Variants in HIVEP1 observed in about 807,000 individuals in gnomAD.
HIVEP1 encodes zinc finger protein 40.
Under a neutral mutation model 180.0 loss-of-function variants are expected in HIVEP1, and 36 were observed. The ratio of observed to expected loss-of-function variants is 0.20; its 90% confidence interval spans 0.15 to 0.26. HIVEP1 has a LOEUF of 0.26. Among genes scored for constraint, HIVEP1 ranks in the 10% least tolerant of loss-of-function variants. HIVEP1 has a pLI of 1.00. For synonymous variants in HIVEP1, 1,239 were observed against 1,239.0 expected (o/e 1.00, Z 0.00); for missense variants, 3,143 against 3,268.7 (o/e 0.96, Z 0.94).
Position 12,120,966 on chromosome 6 carries a change from T to G in HIVEP1, c.1171T>G (p.Cys391Gly). Residue 391 changes from cysteine to glycine, a missense_variant, in exon 4 of 9, where the codon TGC (cysteine) becomes GGC (glycine). Cys to Gly is a radical substitution (Grantham distance 159). Coordinates refer to ENST00000379388, the MANE Select transcript of HIVEP1 (RefSeq NM_002114.4). ...SVVNQSVEQM[C>G]NLLLKDQKPK... ...TGTTAATCAAAGCGTAGAGCAAATG[T>G]GCAATCTTCTTCTGAAAGATCAGAA... 6.2e-7 allele frequency: 1 copy of G among 1,614,196 alleles called. No individual in the cohort carries two copies. Among genetic ancestry groups the G allele is most frequent in the Non-Finnish European group, 8.5e-7 (1 of 1,180,018 alleles).
chr6:12,020,665 GTTAC>G (rs1043868878), intron 2 of HIVEP1, among the ~76,000 whole-genome samples: 1 of 152,110 alleles, frequency 6.6e-6, no homozygotes, highest in African/African-American at 2.4e-5. Flanking sequence ...GAAAAGAGGT[GTTAC>G]TTACTTTAGT....
chr6:12,033,648 T>C (rs1025249306), intron 2 of HIVEP1, among the ~76,000 whole-genome samples: 1 of 152,210 alleles, frequency 6.6e-6, no homozygotes, highest in African/African-American at 2.4e-5. Context: ...CAAACCCTCT[T>C]AATAATACTA....
At chr6:12,018,088 C>G (rs1179320262) in intron 2 of HIVEP1, among the ~76,000 whole-genome samples, 1 of 152,324 alleles carries the variant, frequency 6.6e-6, no homozygotes. Flanking sequence ...TAAAGCCCGG[C>G]GAGAAATCGA....
intron 2 of HIVEP1, among the ~76,000 whole-genome samples, chr6:12,044,093 T>A (rs1362629937): frequency 6.6e-6 from 1 of 152,206 alleles, no homozygotes; most frequent in Non-Finnish European, 1.5e-5. Context: ...TGATGCTTTC[T>A]ATGGGGTGAG....
chr6:12,157,675 GA>G (rs1369769527), intron 7 of HIVEP1, among the ~76,000 whole-genome samples: 2 of 151,676 alleles, frequency 1.3e-5, no homozygotes, highest in African/African-American at 2.4e-5. Flanking sequence ...TAAAAAATAA[GA>G]AAAAAAATTG....
intron 2 of HIVEP1, among the ~76,000 whole-genome samples, chr6:12,023,783 C>G (rs913349226): frequency 6.6e-6 from 1 of 151,956 alleles, no homozygotes; most frequent in Non-Finnish European, 1.5e-5. Context: ...TATGATTAAC[C>G]AGAGTAATGA....
At chr6:12,111,292 A>G (rs534522003) in intron 3 of HIVEP1, among the ~76,000 whole-genome samples, 2 of 152,238 alleles carry the variant, frequency 1.3e-5, no homozygotes, top group Non-Finnish European at 2.9e-5. Flanking sequence ...CAAACCCTTA[A>G]TGCAAAAAGC....
chr6:12,115,350 C>CTTTTTTTTTTTTTT (rs34074662), intron 3 of HIVEP1, among the ~76,000 whole-genome samples: 7 of 75,296 alleles, frequency 9.3e-5, no homozygotes, highest in African/African-American at 2.7e-4. Flanking sequence ...CCCAACTATT[C>CTTTTTTTTTTTTTT]TTTTTTTTTT....
intron 3 of HIVEP1, among the ~76,000 whole-genome samples, chr6:12,097,936 T>C (rs755653946): frequency 1.3e-4 from 20 of 152,182 alleles, no homozygotes; most frequent in Non-Finnish European, 2.1e-4. Flanking sequence ...TTACTTATCA[T>C]GGTCTATTGA....
intron 3 of HIVEP1, among the ~76,000 whole-genome samples, chr6:12,095,964 C>T (rs546185627): frequency 3.9e-5 from 6 of 152,024 alleles, no homozygotes; most frequent in East Asian, 1.9e-4. Flanking sequence ...AGAAATGTTA[C>T]GATGATCCAG....
Position 12,120,912 on chromosome 6 carries a change from A to G in HIVEP1, c.1117A>G (p.Ile373Val). The change falls in exon 4 of 9, where the codon ATC becomes GTC. Residue 373 changes from isoleucine to valine, a missense_variant. Ile to Val is a conservative substitution (Grantham distance 29, BLOSUM62 3). Coordinates refer to ENST00000379388, the MANE Select transcript of HIVEP1 (RefSeq NM_002114.4). ...TTCTACACAGTCGCCCCCCATGCCA[A>G]TCTATAATTCAACTCATGTTGCCTC... ...ANSTQSPPMP[I>V]YNSTHVASVV... 2 of 1,614,172 alleles carry G rather than the reference A, an allele frequency of 1.2e-6. No individual in the cohort carries two copies. The highest frequency in any genetic ancestry group is 1.3e-5 in the African/African-American group (1 of 75,046).
At position 12,164,032 on chromosome 6, in the gene HIVEP1, C is replaced by G; in HGVS notation, c.7728C>G (p.Ser2576Arg). ...CTCCAGAAATGCCAGCTTCCCAAAG[C>G]AAAGCATGCGAGACACAACCCAAGC... is the stretch of plus-strand genomic sequence containing the variant. The part of the protein sequence containing the change: ...QGAPEMPASQ[S>R]KACETQPKQT... Residue 2576 changes from serine to arginine, a missense_variant, in exon 9 of 9, where the codon AGC (serine) becomes AGG (arginine). Transcript: ENST00000379388. The G allele has an allele frequency of 6.2e-7, 1 of 1,614,126 alleles. No individual in the cohort carries two copies. The highest frequency in any genetic ancestry group is 1.3e-5 in the African/African-American group (1 of 75,030).
intron 1 of HIVEP1, among the ~76,000 whole-genome samples, chr6:12,013,396 C>T (rs577751003): frequency 4.6e-5 from 7 of 152,324 alleles, no homozygotes; most frequent in African/African-American, 1.4e-4. Context: ...GTTTATCACT[C>T]GTCCTAGTCG....
chr6:12,161,837 A>G lies in HIVEP1; in HGVS notation c.6886A>G (p.Arg2296Gly). 6.2e-7 allele frequency: 1 copy of G among 1,614,128 alleles called. No individual in the cohort carries two copies. Among genetic ancestry groups the G allele is most frequent in the East Asian group, 2.2e-5 (1 of 44,878 alleles). Residue 2296 changes from arginine to glycine, a missense_variant, in exon 8 of 9, where the codon AGG becomes GGG. Physicochemically the swap from Arg to Gly is moderately radical, Grantham distance 125. This residue lies in a region of HIVEP1 where 595 missense variants were observed against 602.2 expected (regional missense o/e 0.99). Coordinates refer to ENST00000379388, the MANE Select transcript of HIVEP1 (RefSeq NM_002114.4). ...NDTIPSVDTS[R>G]SPCHQMSVDY... The stretch of plus-strand genomic sequence containing the variant: ...CACAATTCCGTCTGTAGACACTTCC[A>G]GGTCCCCGTGTCATCAGATGTCTGT...
At chr6:12,068,530 A>G (rs1388866160) in intron 2 of HIVEP1, among the ~76,000 whole-genome samples, 1 of 152,198 alleles carries the variant, frequency 6.6e-6, no homozygotes, top group Non-Finnish European at 1.5e-5. Context: ...AGGAGGAAAC[A>G]GGCATCAAAT....
rs3070534 is a variant in HIVEP1, at chr6:12,065,690, T to TGTGC, written c.41-23493_41-23492insTGCG. 5.2e-3 allele frequency among the ~76,000 whole-genome samples: 628 copies of TGTGC among 120,502 alleles called. 4 individuals carry two copies. The highest frequency in any genetic ancestry group is 0.019 in the African/African-American group (610 of 32,868). 79.1% of individuals were successfully genotyped at this position (120,502 alleles called of 152,430 possible). A position where few individuals can be genotyped will look rare whatever the true frequency, so the allele number is the denominator to read the frequency against. On this transcript the variant is annotated intron_variant, in intron 2 of 8. Transcript: ENST00000379388. ...GGTTTTGTGTGTGTGTGTGTGTGTG[T>TGTGC]GCGTGTGTGTGTGTGTGTGTGTGCA...
chr6:12,176,319 A>C, the HIVEP1 span, among the ~76,000 whole-genome samples: 1 of 144,032 alleles, frequency 6.9e-6, no homozygotes, highest in African/African-American at 2.6e-5. Flanking sequence ...CAGAACGTCC[A>C]CCTGCAGATT....
At chr6:12,018,502 C>G (rs1045761192) in intron 2 of HIVEP1, among the ~76,000 whole-genome samples, 3 of 152,102 alleles carry the variant, frequency 2.0e-5, no homozygotes, top group Non-Finnish European at 4.4e-5. Flanking sequence ...ACACAGGTCT[C>G]GAAAGAAGAA....
At chr6:12,032,607 T>G (rs927131014) in intron 2 of HIVEP1, among the ~76,000 whole-genome samples, 1 of 152,228 alleles carries the variant, frequency 6.6e-6, no homozygotes, top group South Asian at 2.1e-4. Context: ...ACCTGTTTTC[T>G]CATCCTAAAT....
Sources: gnomAD v4.1 joint callset for allele counts (sites outside exome capture counted in the v4.1 genomes callset) on GRCh38, gnomAD v4.1.1 for gene constraint, gnomAD v4.1.1 regional missense constraint, MANE v1.5 for transcripts, NCBI Gene and HGNC (gene_info 2026-07-23, HGNC 2026-07-21) for gene names.